The following HIRA variants were observed in gnomAD, a reference collection of about 807,000 sequenced individuals.
The protein encoded by HIRA is protein HIRA.
Under a neutral mutation model 126.6 loss-of-function variants are expected in HIRA, and 13 were observed. The observed-to-expected ratio is 0.10, with a 90% confidence interval of 0.07 to 0.16. HIRA has a LOEUF of 0.16. HIRA is among the 10% of genes least tolerant of loss of function. The pLI is 1.00. For synonymous variants in HIRA, 511 were observed against 520.0 expected (o/e 0.98, Z 0.24); for missense variants, 834 against 1,314.4 (o/e 0.63, Z 5.65).
Position 19,341,772 on chromosome 22 carries a change from T to G in HIRA, c.2937+9586A>C, listed in dbSNP as rs946138545. Among the ~76,000 whole-genome samples, 7 of 152,230 alleles carry G rather than the reference T, an allele frequency of 4.6e-5. No individual in the cohort carries two copies. In the East Asian group the frequency reaches 9.6e-4, roughly 21 times the overall value. ...CATATAGAAGAATGAAGCTGGATCCTCATCTCTCATCTTATACAAATATCA... is the reference window on the plus strand; with the variant it reads ...CATATAGAAGAATGAAGCTGGATCCGCATCTCTCATCTTATACAAATATCA... On this transcript the variant is annotated intron_variant, in intron 24 of 24. Transcript: ENST00000263208.
intron 5 of HIRA, among the ~76,000 whole-genome samples, chr22:19,400,843 A>G (rs1160802159): frequency 2.0e-5 from 3 of 152,088 alleles, no homozygotes; most frequent in Admixed American, 6.5e-5. Flanking sequence ...TCATGTCCAG[A>G]GGCCTTCCAT....
At chr22:19,427,195 T>C (rs2146262065) in intron 1 of HIRA, among the ~76,000 whole-genome samples, 1 of 152,330 alleles carries the variant, frequency 6.6e-6, no homozygotes, top group East Asian at 1.9e-4. Flanking sequence ...ACCCACTTGA[T>C]ACCAGTAGCA....
At chr22:19,360,482 G>A (rs558497984) in intron 17 of HIRA, among the ~76,000 whole-genome samples, 184 of 152,332 alleles carry the variant, frequency 1.2e-3, no homozygotes, top group African/African-American at 4.2e-3. Context: ...TGGCCCAGAA[G>A]GACCTATGGT....
At chr22:19,343,549 T>C (rs2088654459) in intron 24 of HIRA, among the ~76,000 whole-genome samples, 1 of 151,914 alleles carries the variant, frequency 6.6e-6, no homozygotes, top group Non-Finnish European at 1.5e-5. Flanking sequence ...GGTGGCAGAG[T>C]CAGACTCTGT....
At chr22:19,389,051 A>G (rs2089153152) in intron 9 of HIRA, among the ~76,000 whole-genome samples, 2 of 152,188 alleles carry the variant, frequency 1.3e-5, no homozygotes, top group African/African-American at 4.8e-5. Context: ...GGTAGTACAG[A>G]AATACACACC....
chr22:19,417,606 G>A (rs1027950875), intron 1 of HIRA, among the ~76,000 whole-genome samples: 3 of 152,172 alleles, frequency 2.0e-5, no homozygotes, highest in African/African-American at 7.2e-5. Context: ...TGGAGACACA[G>A]TGAGACTCCG....
chr22:19,377,414 C>T (rs1228713834), intron 14 of HIRA, among the ~76,000 whole-genome samples: 1 of 152,196 alleles, frequency 6.6e-6, no homozygotes, highest in Non-Finnish European at 1.5e-5. Context: ...TGGGTGAGGA[C>T]ACAGGCTCTG....
intron 3 of HIRA, 130 bp from the exon 4 acceptor site, chr22:19,407,404 G>T: frequency 1.5e-6 from 1 of 677,016 alleles, no homozygotes; most frequent in Non-Finnish European, 2.5e-6. Context: ...TCTACTGTGT[G>T]AGAGCCCCAG....
chr22:19,430,463 C>T (rs751342165), intron 1 of HIRA, among the ~76,000 whole-genome samples: 32 of 152,264 alleles, frequency 2.1e-4, no homozygotes, highest in Non-Finnish European at 3.2e-4. Context: ...TCTATTCTCG[C>T]TCCTAAAGAA....
intron 7 of HIRA, 37 bp from the exon 8 acceptor site, chr22:19,394,546 C>A: frequency 6.3e-7 from 1 of 1,599,074 alleles, no homozygotes; most frequent in Non-Finnish European, 8.6e-7. Context: ...GAGCTCAAGG[C>A]CACCTTTGTG....
At chr22:19,421,997 AT>A (rs1243727063) in intron 1 of HIRA, among the ~76,000 whole-genome samples, 1 of 151,852 alleles carries the variant, frequency 6.6e-6, no homozygotes. Flanking sequence ...CATACCCCAT[AT>A]TTGACCCTAC....
At chr22:19,339,381 T>A (rs1365756077) in intron 24 of HIRA, among the ~76,000 whole-genome samples, 2 of 152,114 alleles carry the variant, frequency 1.3e-5, no homozygotes, top group African/African-American at 4.8e-5. Context: ...GTGTCTGTAA[T>A]CCCAGCAATT....
intron 1 of HIRA, among the ~76,000 whole-genome samples, chr22:19,411,631 G>A (rs1376942562): frequency 1.3e-5 from 2 of 152,248 alleles, no homozygotes; most frequent in Non-Finnish European, 2.9e-5. Flanking sequence ...GTGTACAGTA[G>A]CGCAGTAATA....
In HIRA at chr22:19,361,916, G is replaced by T. The variant is rs755222516; in HGVS notation, c.1791C>A (p.Asn597Lys). 6.2e-7 allele frequency: 1 copy of T among 1,614,128 alleles called. No homozygotes were observed. The highest frequency in any genetic ancestry group is 1.1e-5 in the South Asian group (1 of 91,078). ...PTAVERLKEQ[N>K]LVKELRPRDL... ...CTCGGGGCCTCAGCTCTTTCACAAG[G>T]TTCTGCTCTTTTAACCTGCACAAAA... Residue 597 changes from asparagine (N) to lysine (K), a missense_variant, in exon 16 of 25, where the codon AAC (asparagine) becomes AAA (lysine). This residue lies in a region of HIRA where 468 missense variants were observed against 574.2 expected (regional missense o/e 0.82). Transcript: ENST00000263208.
intron 3 of HIRA, among the ~76,000 whole-genome samples, chr22:19,407,481 G>A (rs2089317593): frequency 6.6e-6 from 1 of 152,204 alleles, no homozygotes; most frequent in Non-Finnish European, 1.5e-5. Context: ...ACAGTCTGGA[G>A]GGGGAAAAAT....
chr22:19,389,190 T>G (rs1479806082), intron 9 of HIRA, among the ~76,000 whole-genome samples: 1 of 152,226 alleles, frequency 6.6e-6, no homozygotes, highest in Non-Finnish European at 1.5e-5. Flanking sequence ...TTGTGTCTGT[T>G]TTTTCATTTA....
At chr22:19,411,633 G>A (rs1241408596) in intron 1 of HIRA, among the ~76,000 whole-genome samples, 3 of 152,220 alleles carry the variant, frequency 2.0e-5, no homozygotes, top group Non-Finnish European at 2.9e-5. Context: ...GTACAGTAGC[G>A]CAGTAATATT....
intron 15 of HIRA, among the ~76,000 whole-genome samples, chr22:19,368,082 C>T (rs1472190199): frequency 1.3e-5 from 2 of 152,142 alleles, no homozygotes; most frequent in East Asian, 1.9e-4. Context: ...GAGTGAACTC[C>T]TGTCTAGTAT....
chr22:19,412,477 T>A (rs2089361962), intron 1 of HIRA, among the ~76,000 whole-genome samples: 1 of 152,250 alleles, frequency 6.6e-6, no homozygotes, highest in Admixed American at 6.5e-5. Flanking sequence ...GCCAATTCAT[T>A]TGCTTTTCTG....
Sources: allele counts gnomAD v4.1 joint callset (sites outside exome capture counted in the v4.1 genomes callset), GRCh38; gene constraint gnomAD v4.1.1; regional missense constraint gnomAD v4.1.1; transcripts MANE v1.5; gene names NCBI Gene and HGNC (gene_info 2026-07-23, HGNC 2026-07-21).